DGKH: variants seen among roughly 807,000 people sequenced by gnomAD.
DGKH encodes the protein diacylglycerol kinase eta, also known as DAG kinase eta.
DGKH carries 90 observed loss-of-function variants against 159.3 expected under a neutral mutation model. That is an observed-to-expected ratio of 0.57 (90% confidence interval 0.48 to 0.67). The LOEUF is 0.67. Among genes scored for constraint, DGKH ranks in the 30% least tolerant of loss-of-function variants. The pLI, the probability that DGKH is intolerant of heterozygous loss-of-function variation, is 0.00. For synonymous variants in DGKH, 536 were observed against 553.8 expected (o/e 0.97, Z 0.45); for missense variants, 1,181 against 1,506.1 (o/e 0.78, Z 3.57).
intron 1 of DGKH, among the ~76,000 whole-genome samples, chr13:42,121,365 T>G (rs939640362): frequency 6.6e-6 from 1 of 152,250 alleles, no homozygotes; most frequent in African/African-American, 2.4e-5. Flanking sequence ...TAGATTAGGC[T>G]AAGCTGTGAT....
Position 42,166,575 on chromosome 13 carries a change from A to G in DGKH, c.1019A>G (p.Lys340Arg), listed in dbSNP as rs750818819. ...CCTCTATTGGTTTTTGTCAATTCTA[A>G]GAGTGGAGATAATCAGGGAGTAAAG... is the stretch of plus-strand genomic sequence containing the variant. Reference protein sequence around the residue: ...VSPLLVFVNSKSGDNQGVKFL... With the variant: ...VSPLLVFVNSRSGDNQGVKFL... The change falls in exon 9 of 30, where the codon AAG (lysine) becomes AGG (arginine). Residue 340 changes from lysine to arginine, a missense_variant. Physicochemically the swap from Lys to Arg is conservative, Grantham distance 26 (BLOSUM62 2). Around this residue, in one of 5 missense-constraint regions of DGKH, gnomAD observed 369 missense variants for 519.4 expected, o/e 0.71. Coordinates refer to ENST00000337343, the MANE Select transcript of DGKH (RefSeq NM_178009.5). The G allele has an allele frequency of 4.4e-6, 7 of 1,607,656 alleles. No homozygotes were observed. The highest frequency in any genetic ancestry group is 5.9e-6 in the Non-Finnish European group (7 of 1,177,230).
intron 1 of DGKH, among the ~76,000 whole-genome samples, chr13:42,072,704 T>A (rs886647725): frequency 2.0e-5 from 3 of 152,220 alleles, no homozygotes; most frequent in African/African-American, 7.2e-5. Flanking sequence ...CTGTTTATAA[T>A]TAACACCTTA....
At chr13:42,069,016 TG>T in intron 1 of DGKH, 1 of 1,462,774 alleles carries the variant, frequency 6.8e-7, no homozygotes, top group South Asian at 1.1e-5. Context: ...TAATGTGGCC[TG>T]TATTGACTTA....
At chr13:42,109,932 A>G (rs893830483) in intron 1 of DGKH, among the ~76,000 whole-genome samples, 4 of 152,204 alleles carry the variant, frequency 2.6e-5, no homozygotes, top group Non-Finnish European at 4.4e-5. Context: ...ATGATATTAA[A>G]TATAACATAT....
At chr13:42,178,695 T>G (rs1024917462) in intron 13 of DGKH, among the ~76,000 whole-genome samples, 2 of 152,220 alleles carry the variant, frequency 1.3e-5, no homozygotes, top group African/African-American at 2.4e-5. Context: ...CATATTTTAG[T>G]GAAGTTGATT....
At chr13:42,111,409 G>A (rs193129673) in intron 1 of DGKH, among the ~76,000 whole-genome samples, 3 of 152,182 alleles carry the variant, frequency 2.0e-5, no homozygotes, top group Admixed American at 1.3e-4. Flanking sequence ...GTGAAACCCC[G>A]TTTCTACTAA....
intron 16 of DGKH, among the ~76,000 whole-genome samples, chr13:42,192,643 CTTCT>C (rs1307269667): frequency 7.2e-6 from 1 of 138,080 alleles, no homozygotes; most frequent in East Asian, 2.0e-4. Context: ...CTTCTTCTTC[CTTCT>C]TTCTTCTTTC....
chr13:42,044,881 AT>A (rs989683106), upstream of DGKH, among the ~76,000 whole-genome samples: 14 of 152,238 alleles, frequency 9.2e-5, no homozygotes, highest in Non-Finnish European at 1.9e-4. Flanking sequence ...GTAGAAAGAT[AT>A]TTAGCCAAAC....
At chr13:42,223,946 C>T (rs1958053179) in intron 29 of DGKH, among the ~76,000 whole-genome samples, 1 of 152,048 alleles carries the variant, frequency 6.6e-6, no homozygotes, top group Non-Finnish European at 1.5e-5. Flanking sequence ...CCACTAGGTC[C>T]TTGTATATAC....
intron 3 of DGKH, among the ~76,000 whole-genome samples, chr13:42,136,709 GGT>G (rs964091836): frequency 1.4e-4 from 21 of 152,130 alleles, no homozygotes; most frequent in African/African-American, 5.1e-4. Context: ...GCAGTCTGTA[GGT>G]GTGTGTGAAA....
In DGKH at chr13:42,159,242, C is replaced by CTATTTTTTTTTTTTTTTTTTTTTTTT; in HGVS notation, c.623-23_623-22insATTTTTTTTTTTTTTTTTTTTTTTTT. 1.3e-5 allele frequency: 2 copies of CTATTTTTTTTTTTTTTTTTTTTTTTT among 159,044 alleles called. 1 individual carries two copies. The highest frequency in any genetic ancestry group is 1.8e-4 in the East Asian group (2 of 11,122). 9.9% of individuals were successfully genotyped at this position (159,044 alleles called of 1,614,324 possible). A position where few individuals can be genotyped will look rare whatever the true frequency, so the allele number is the denominator to read the frequency against. On this transcript the variant is annotated intron_variant, in intron 5 of 29. Coordinates refer to ENST00000337343, the MANE Select transcript of DGKH (RefSeq NM_178009.5). The stretch of plus-strand genomic sequence containing the variant: ...TTTCTTGTCCACTTAAAAGCAGTTG[C>CTATTTTTTTTTTTTTTTTTTTTTTTT]TCTTTTTTTTTTTTTTTTTTTAGTG...
intron 30 of DGKH, chr13:42,255,970 G>T (rs1958654457): frequency 6.2e-7 from 1 of 1,610,704 alleles, no homozygotes; most frequent in Admixed American, 1.7e-5. Context: ...CTCTGGTTGA[G>T]CTCAGTGGAG....
intron 1 of DGKH, among the ~76,000 whole-genome samples, chr13:42,067,297 C>A (rs1383500869): frequency 6.6e-6 from 1 of 152,050 alleles, no homozygotes; most frequent in Non-Finnish European, 1.5e-5. Flanking sequence ...GAGTTGAAAT[C>A]CATCAGTTTA....
At chr13:42,198,638 G>GT (rs35298264) in intron 18 of DGKH, 43 bp downstream of exon 18, 68,055 of 1,137,220 alleles carry the variant, frequency 0.06, 1 homozygote, top group South Asian at 0.11. Context: ...GGTTTTTCTT[G>GT]TTTTTTTTTT....
At chr13:42,070,788 G>T in intron 1 of DGKH, 1 of 1,527,410 alleles carries the variant, frequency 6.5e-7, no homozygotes, top group Non-Finnish European at 9.0e-7. Context: ...TGTAAACACT[G>T]TTTAGTTCCG....
At chr13:42,148,160 G>A (rs1955785004) in intron 3 of DGKH, among the ~76,000 whole-genome samples, 1 of 152,130 alleles carries the variant, frequency 6.6e-6, no homozygotes, top group African/African-American at 2.4e-5. Flanking sequence ...CCTACACATC[G>A]TGACCTTGGA....
At chr13:42,225,839 C>T (rs551161243) in intron 29 of DGKH, among the ~76,000 whole-genome samples, 1 of 149,608 alleles carries the variant, frequency 6.7e-6, no homozygotes, top group African/African-American at 2.5e-5. Context: ...AAAGATAGAA[C>T]AAATGTCACA....
At chr13:42,113,164 A>G (rs1954898548) in intron 1 of DGKH, among the ~76,000 whole-genome samples, 1 of 152,232 alleles carries the variant, frequency 6.6e-6, no homozygotes, top group African/African-American at 2.4e-5. Context: ...TTTTGACACC[A>G]GATTTTTAAA....
chr13:42,069,157 A>C (rs1192136903), intron 1 of DGKH: 2 of 1,375,956 alleles, frequency 1.5e-6, no homozygotes, highest in African/African-American at 1.4e-5. Flanking sequence ...CCCATCCTCT[A>C]CTGGCTCAGT....
Sources: gnomAD v4.1 joint callset for allele counts (sites outside exome capture counted in the v4.1 genomes callset) on GRCh38, gnomAD v4.1.1 for gene constraint, gnomAD v4.1.1 regional missense constraint, MANE v1.5 for transcripts, NCBI Gene and HGNC (gene_info 2026-07-23, HGNC 2026-07-21) for gene names.